CARS2: variants seen among roughly 807,000 people sequenced by gnomAD.
CARS2 encodes probable cysteine--tRNA ligase, mitochondrial.
In CARS2, 52 loss-of-function variants were observed where a neutral mutation model predicts 68.8. The observed-to-expected ratio is 0.76, with a 90% CI of 0.61 to 0.95. The LOEUF is 0.95. Ranked by LOEUF, CARS2 falls within the 40% of genes least tolerant of loss-of-function variation. The pLI, the probability that CARS2 is intolerant of heterozygous loss-of-function variation, is 0.00. For missense variants in CARS2, 780 were observed against 754.2 expected (o/e 1.03, Z -0.40); for synonymous variants, 314 against 303.6 (o/e 1.03, Z -0.36).
chr13:110,709,518 G>A (rs147621679), upstream of CARS2, among the ~76,000 whole-genome samples: 123 of 152,202 alleles, frequency 8.1e-4, 2 homozygotes, highest in African/African-American at 2.9e-3. Flanking sequence ...GAATATTAAG[G>A]TAAAGTAAAA....
Position 110,665,069 on chromosome 13 carries a change from A to T in CARS2, c.920-1551T>A. ...TGTCACTTCTCCTGCGTCAGGAGAC[A>T]CTGATGTTTTGTTTGGGGCCAAACT... On this transcript the variant is annotated intron_variant, in intron 8 of 14. Coordinates refer to ENST00000257347, the MANE Select transcript of CARS2 (RefSeq NM_024537.4). This position sits in a 1 kb window ranked among gnomAD's most constrained non-coding sequence, Gnocchi z 4.3. 1 of 985,442 alleles carries T rather than the reference A, an allele frequency of 1.0e-6. No homozygotes were observed. The highest frequency in any genetic ancestry group is 1.1e-4 in the East Asian group (1 of 8,818). 61.0% of individuals were successfully genotyped at this position (985,442 alleles called of 1,614,324 possible).
intron 3 of CARS2, chr13:110,697,859 G>A (rs1353865866): frequency 4.6e-6 from 2 of 434,546 alleles, no homozygotes; most frequent in South Asian, 1.7e-5. Flanking sequence ...AGCCCCATGC[G>A]GTGGGAGACT....
chr13:110,647,075 C>T (rs761332389), intron 11 of CARS2, 26 bp downstream of exon 11: 24 of 1,540,880 alleles, frequency 1.6e-5, no homozygotes, highest in Admixed American at 3.9e-5. Flanking sequence ...AGGGGTGCCA[C>T]GCCGGGTGCT....
chr13:110,644,555 CAA>C, intron 12 of CARS2, 72 bp from the exon 13 acceptor site: 1 of 1,593,592 alleles, frequency 6.3e-7, no homozygotes, highest in African/African-American at 1.4e-5. Context: ...AATTCAATGT[CAA>C]AAGACAAAGG....
chr13:110,646,157 A>G, intron 11 of CARS2, 67 bp from the exon 12 acceptor site: 1 of 1,538,864 alleles, frequency 6.5e-7, no homozygotes, highest in Non-Finnish European at 8.7e-7. Flanking sequence ...CCCCCACACC[A>G]GTCCTTCCCC....
upstream of CARS2, among the ~76,000 whole-genome samples, chr13:110,708,980 T>G (rs1459055659): frequency 2.0e-5 from 3 of 152,052 alleles, no homozygotes; most frequent in Non-Finnish European, 4.4e-5. Flanking sequence ...TCTGGGACTC[T>G]GGAACTCCTG....
At position 110,670,505 on chromosome 13, in the gene CARS2, A is replaced by G. The variant is rs1464582196; in HGVS notation, c.786-3032T>C. Reference sequence around the variant, plus strand: ...TGCAGCTGAGGGTCCTGACTGTTAGAAGGAAAACTAACAAACAGAAAGGAC... The same window carrying G: ...TGCAGCTGAGGGTCCTGACTGTTAGGAGGAAAACTAACAAACAGAAAGGAC... On this transcript the variant is annotated intron_variant, in intron 7 of 14. Coordinates refer to ENST00000257347, the MANE Select transcript of CARS2 (RefSeq NM_024537.4). This position sits in a 1 kb window ranked among gnomAD's most constrained non-coding sequence, Gnocchi z 4.1. Among the ~76,000 whole-genome samples, 2 of 152,220 alleles carry G rather than the reference A, an allele frequency of 1.3e-5. No homozygotes were observed. Among genetic ancestry groups the G allele is most frequent in the Non-Finnish European group, 2.9e-5 (2 of 68,044 alleles).
chr13:110,683,085 C>T lies in CARS2; in HGVS notation c.621G>A (p.Leu207=). 3 of 1,602,730 alleles carry T rather than the reference C, an allele frequency of 1.9e-6. No homozygotes were observed. The highest frequency in any genetic ancestry group is 2.6e-6 in the Non-Finnish European group (3 of 1,176,032). The change falls in exon 6 of 15, where the codon TTG becomes TTA. Residue 207 remains leucine (L), a synonymous_variant. Transcript: ENST00000257347. ...CGACTGGACCAGGGACCACGCCGAC[C>T]AATTTGCCATACTTGTCTCCTCTAG... ...LKSRGDKYGK[L]VGVVPGPVGE...
At chr13:110,672,345 C>T (rs185054011) in intron 7 of CARS2, among the ~76,000 whole-genome samples, 20 of 152,286 alleles carry the variant, frequency 1.3e-4, no homozygotes, top group African/African-American at 4.6e-4. Flanking sequence ...TGTAAAAGAA[C>T]AGAAATTGTA....
intron 1 of CARS2, among the ~76,000 whole-genome samples, chr13:110,712,012 A>G (rs2064032629): frequency 6.6e-6 from 1 of 152,250 alleles, no homozygotes; most frequent in African/African-American, 2.4e-5. Context: ...TCTTACCACC[A>G]GAATGTGTAT....
intron 3 of CARS2, among the ~76,000 whole-genome samples, chr13:110,700,418 C>T (rs2063750847): frequency 6.6e-6 from 1 of 152,198 alleles, no homozygotes; most frequent in African/African-American, 2.4e-5. Flanking sequence ...AGCCAGTGAC[C>T]TTGCTCTGAA....
Position 110,645,998 on chromosome 13 carries a change from T to A in CARS2, c.1286A>T (p.His429Leu). 1 of 1,613,838 alleles carries A rather than the reference T, an allele frequency of 6.2e-7. No individual in the cohort carries two copies. The highest frequency in any genetic ancestry group is 8.5e-7 in the Non-Finnish European group (1 of 1,179,940). ...VVDAILGLAH[H>L]GNGQLRASLK... ...GGACGCCCTGAGCTGTCCATTCCCG[T>A]GGTGTGCAAGGCCCAGGATGGCATC... is the stretch of plus-strand genomic sequence containing the variant. The change falls in exon 12 of 15, where the codon CAC becomes CTC. Residue 429 changes from histidine to leucine, a missense_variant. His to Leu is a moderately conservative substitution (Grantham distance 99). Coordinates refer to ENST00000257347, the MANE Select transcript of CARS2 (RefSeq NM_024537.4).
intron 12 of CARS2, 184 bp downstream of exon 12, chr13:110,645,783 A>G (rs1440820301): frequency 4.1e-6 from 3 of 737,206 alleles, no homozygotes; most frequent in East Asian, 6.1e-5. Flanking sequence ...GGGAGGGTCA[A>G]GCCCCAGGCT....
upstream of CARS2, chr13:110,706,216 G>T: frequency 1.5e-6 from 1 of 657,560 alleles, no homozygotes; most frequent in Non-Finnish European, 2.1e-6. Flanking sequence ...GCCCACTCCC[G>T]GAAGCAGTCC....
intron 7 of CARS2, among the ~76,000 whole-genome samples, chr13:110,675,746 G>A (rs949021953): frequency 2.6e-5 from 4 of 152,084 alleles, no homozygotes; most frequent in East Asian, 1.9e-4. Context: ...AAACATACGC[G>A]TGGTTATTCA....
In CARS2 at chr13:110,668,721, C is replaced by T. The variant is rs1032735600; in HGVS notation, c.786-1248G>A. On this transcript the variant is annotated intron_variant, in intron 7 of 14. Transcript: ENST00000257347. This position sits in a 1 kb window ranked among gnomAD's most constrained non-coding sequence, Gnocchi z 4.1. ...TTCCGAAGATCTGAAGCCAACACAA[C>T]GACGTGAAAGTTTCACAAGCTGAAC... is the stretch of plus-strand genomic sequence containing the variant. Among the ~76,000 whole-genome samples the T allele has an allele frequency of 1.8e-4, 27 of 152,056 alleles. No homozygotes were observed. The highest frequency in any genetic ancestry group is 6.5e-4 in the African/African-American group (27 of 41,404).
upstream of CARS2, chr13:110,706,149 C>T (rs965247460): frequency 2.5e-6 from 3 of 1,220,920 alleles, no homozygotes; most frequent in Non-Finnish European, 3.1e-6. Flanking sequence ...GGGTACGCTG[C>T]CGGTCGCTCA....
chr13:110,686,049 G>A (rs1446511828), intron 5 of CARS2, among the ~76,000 whole-genome samples: 1 of 151,428 alleles, frequency 6.6e-6, no homozygotes, highest in African/African-American at 2.4e-5. Flanking sequence ...AAAAAGTGAG[G>A]AGACTAAACC....
At chr13:110,642,798 G>T in intron 13 of CARS2, 1 of 689,100 alleles carries the variant, frequency 1.5e-6, no homozygotes, top group Non-Finnish European at 2.7e-6. Context: ...GCTGCATGCC[G>T]CCCCGCCCTG....
Sources: allele counts gnomAD v4.1 joint callset (sites outside exome capture counted in the v4.1 genomes callset), GRCh38; gene constraint gnomAD v4.1.1; non-coding constraint Gnocchi (gnomAD v3.1); transcripts MANE v1.5; gene names NCBI Gene and HGNC (gene_info 2026-07-23, HGNC 2026-07-21).